ATP13A5: variants seen among roughly 807,000 people sequenced by gnomAD.
ATP13A5 encodes the protein ATPase 13A5.
ATP13A5 carries 149 observed loss-of-function variants against 150.2 expected under a neutral mutation model. That is an observed-to-expected ratio of 0.99 (90% CI 0.87 to 1.14). The LOEUF (loss-of-function observed/expected upper bound fraction) is 1.14. Among genes scored for constraint, ATP13A5 ranks in the 50% most tolerant of loss-of-function variants. The probability of loss-of-function intolerance (pLI) is 0.00; values close to 1 mark genes in which losing one functional copy is unlikely to be tolerated. For synonymous variants in ATP13A5, 497 were observed against 522.2 expected (o/e 0.95, Z 0.66); for missense variants, 1,383 against 1,449.3 (o/e 0.95, Z 0.74).
intron 13 of ATP13A5, among the ~76,000 whole-genome samples, chr3:193,325,898 C>A (rs1719449895): frequency 6.6e-6 from 1 of 152,154 alleles, no homozygotes; most frequent in South Asian, 2.1e-4. Flanking sequence ...GGGGTGGAAA[C>A]TGTGGACATC....
At chr3:193,330,767 C>G (rs1711600037) in intron 12 of ATP13A5, among the ~76,000 whole-genome samples, 1 of 152,214 alleles carries the variant, frequency 6.6e-6, no homozygotes, top group African/African-American at 2.4e-5. Context: ...ATTCACTTAT[C>G]TTCTGGACAA....
intron 17 of ATP13A5, 80 bp from the exon 18 acceptor site, chr3:193,315,176 T>G (rs149700911): frequency 7.1e-7 from 1 of 1,409,728 alleles, no homozygotes; most frequent in East Asian, 2.4e-5. Context: ...TTTTAAAAAT[T>G]TATAAGTTTT....
chr3:193,370,347 G>A (rs1434407071), intron 1 of ATP13A5, among the ~76,000 whole-genome samples: 3 of 152,152 alleles, frequency 2.0e-5, no homozygotes, highest in Non-Finnish European at 4.4e-5. Context: ...TTGCCTTCTA[G>A]AAGCTCTCAC....
At chr3:193,372,211 C>A in intron 1 of ATP13A5, 1 of 162,480 alleles carries the variant, frequency 6.2e-6, no homozygotes, top group Non-Finnish European at 1.3e-5. Context: ...GCAGGAAAAT[C>A]GCTTGAACCT....
At chr3:193,352,573 A>T (rs1274866119) in intron 6 of ATP13A5, among the ~76,000 whole-genome samples, 1 of 151,992 alleles carries the variant, frequency 6.6e-6, no homozygotes, top group Admixed American at 6.6e-5. Context: ...GAACACATTG[A>T]CCCCTGGAGA....
At chr3:193,318,468 C>T (rs1192172332) in intron 17 of ATP13A5, among the ~76,000 whole-genome samples, 1 of 152,158 alleles carries the variant, frequency 6.6e-6, no homozygotes, top group Non-Finnish European at 1.5e-5. Flanking sequence ...ATTAAGAATA[C>T]TGAATTTTAT....
intron 9 of ATP13A5, among the ~76,000 whole-genome samples, chr3:193,342,455 A>C (rs936382755): frequency 6.6e-6 from 1 of 152,222 alleles, no homozygotes; most frequent in African/African-American, 2.4e-5. Context: ...CAAAAAAGAA[A>C]TAATGTATTT....
At chr3:193,376,785 A>G (rs889858516) in intron 1 of ATP13A5, among the ~76,000 whole-genome samples, 1 of 152,178 alleles carries the variant, frequency 6.6e-6, no homozygotes, top group African/African-American at 2.4e-5. Flanking sequence ...CAGTTCAGCA[A>G]TTGCCTGGAG....
intron 7 of ATP13A5, among the ~76,000 whole-genome samples, chr3:193,347,927 C>T (rs1410930735): frequency 6.6e-6 from 1 of 152,178 alleles, no homozygotes; most frequent in Non-Finnish European, 1.5e-5. Flanking sequence ...TCAGGCCTCC[C>T]TCGTGAGTCA....
intron 26 of ATP13A5, among the ~76,000 whole-genome samples, 188 bp downstream of exon 26, chr3:193,289,697 A>T (rs1440382219): frequency 6.6e-6 from 1 of 152,090 alleles, no homozygotes; most frequent in Non-Finnish European, 1.5e-5. Context: ...AGTGTGACAG[A>T]TCTCTTCCCA....
rs1443104971 is a variant in ATP13A5, at chr3:193,275,155, C to T, written c.3544G>A (p.Gly1182Ser). ...CCGTTGATGTAGAATCCATTTTTGC[C>T]ATCACCTGAATAATCTGTCCTGTTT... ...PINRTDYSGD[G>S]KNGFYINGGY... is the part of the protein sequence containing the mutation. Residue 1182 changes from glycine to serine, a missense_variant, in exon 30 of 30, where the codon GGC becomes AGC. By Grantham distance (56) the Gly-to-Ser change is moderately conservative. Coordinates refer to ENST00000342358, the MANE Select transcript of ATP13A5 (RefSeq NM_198505.4). 4 of 1,614,034 alleles carry T rather than the reference C, an allele frequency of 2.5e-6. No homozygotes were observed. Among genetic ancestry groups the T allele is most frequent in the Non-Finnish European group, 2.5e-6 (3 of 1,180,024 alleles).
intron 11 of ATP13A5, among the ~76,000 whole-genome samples, chr3:193,332,078 C>G (rs1015437049): frequency 6.6e-6 from 1 of 152,076 alleles, no homozygotes; most frequent in Non-Finnish European, 1.5e-5. Context: ...ATTGTAGCTC[C>G]CCTAATTCCC....
At chr3:193,369,118 C>G (rs1457590786) in intron 1 of ATP13A5, among the ~76,000 whole-genome samples, 3 of 151,878 alleles carry the variant, frequency 2.0e-5, no homozygotes, top group South Asian at 2.1e-4. Context: ...GTGGTGCACA[C>G]CTGTTGTCCC....
chr3:193,285,442 G>A (rs1046872311), intron 26 of ATP13A5, among the ~76,000 whole-genome samples: 3 of 152,090 alleles, frequency 2.0e-5, no homozygotes, highest in Non-Finnish European at 2.9e-5. Flanking sequence ...CTCTTTCGTG[G>A]ACTAAACAAG....
At chr3:193,296,386 T>G (rs1718172007) in intron 25 of ATP13A5, among the ~76,000 whole-genome samples, 1 of 152,114 alleles carries the variant, frequency 6.6e-6, no homozygotes, top group African/African-American at 2.4e-5. Context: ...GGGGTCCAGT[T>G]TCAATTTTCT....
intron 6 of ATP13A5, 88 bp from the exon 7 acceptor site, chr3:193,351,289 A>T: frequency 6.8e-7 from 1 of 1,475,846 alleles, no homozygotes; most frequent in East Asian, 2.3e-5. Flanking sequence ...TTTTTTTCTC[A>T]TTTTTTTACA....
rs2887033 is a variant in ATP13A5 at position 193,345,027 on chromosome 3, C to T, written c.790G>A (p.Val264Ile). 3.7e-6 allele frequency: 6 copies of T among 1,613,602 alleles called. No homozygotes were observed. Among genetic ancestry groups the T allele is most frequent in the Non-Finnish European group, 5.1e-6 (6 of 1,179,704 alleles). Reference protein sequence around the residue: ...NLVEDHNKVQVTIIVKDKGLE... With the variant: ...NLVEDHNKVQITIIVKDKGLE... ...CCTTTGTCTTTTACAATGATTGTAA[C>T]CTGGACTTTGTTGTGGTCCTCCACG... The change falls in exon 8 of 30, where the codon GTT becomes ATT. Residue 264 changes from valine (V) to isoleucine (I), a missense_variant. Transcript: ENST00000342358.
chr3:193,350,210 T>C (rs1190059969), intron 7 of ATP13A5, among the ~76,000 whole-genome samples: 1 of 152,050 alleles, frequency 6.6e-6, no homozygotes, highest in East Asian at 1.9e-4. Context: ...CCATATAAGC[T>C]GGTATATATA....
chr3:193,355,259 C>T (rs767074848), intron 5 of ATP13A5, among the ~76,000 whole-genome samples: 2 of 152,144 alleles, frequency 1.3e-5, no homozygotes, highest in African/African-American at 2.4e-5. Context: ...ACAGAGTTGA[C>T]AGTGTCAGAA....
Sources: allele counts gnomAD v4.1 joint callset (sites outside exome capture counted in the v4.1 genomes callset), GRCh38; gene constraint gnomAD v4.1.1; transcripts MANE v1.5; gene names NCBI Gene and HGNC (gene_info 2026-07-23, HGNC 2026-07-21).